Variants in SNX25 observed in about 807,000 individuals in gnomAD.
The protein encoded by SNX25 is sorting nexin 25.
Under a neutral mutation model 113.7 loss-of-function variants are expected in SNX25, and 62 were observed. That is an observed-to-expected ratio of 0.55 (90% CI 0.44 to 0.67). SNX25 has a LOEUF of 0.67. SNX25 is among the 30% of genes least tolerant of loss of function. SNX25 has a pLI of 0.00. For missense variants in SNX25, 1,014 were observed against 1,161.0 expected, an observed-to-expected ratio of 0.87 and a Z score of 1.84; for synonymous variants, 421 against 436.2, an observed-to-expected ratio of 0.97 and a Z score of 0.43.
chr4:185,320,681 C>T, intron 7 of SNX25, 52 bp from the exon 8 acceptor site: 1 of 1,351,614 alleles, frequency 7.4e-7, no homozygotes, highest in African/African-American at 1.5e-5. Flanking sequence ...TTAAAGCAAA[C>T]TGACATTTAA....
At chr4:185,211,726 TGA>T (rs901040313) in intron 1 of SNX25, among the ~76,000 whole-genome samples, 3 of 152,190 alleles carry the variant, frequency 2.0e-5, no homozygotes, top group African/African-American at 7.2e-5. Context: ...TAAATGCTTT[TGA>T]AACAGTGATT....
intron 1 of SNX25, among the ~76,000 whole-genome samples, chr4:185,242,908 C>T (rs138707039): frequency 1.3e-5 from 2 of 152,346 alleles, no homozygotes; most frequent in African/African-American, 2.4e-5. Context: ...TAACACTGCA[C>T]ATAGTAACCC....
chr4:185,362,190 A>C, intron 17 of SNX25, 85 bp downstream of exon 17: 2 of 1,445,604 alleles, frequency 1.4e-6, no homozygotes, highest in South Asian at 1.5e-5. Flanking sequence ...TATGTCTTGC[A>C]GGAAACATTC....
intron 6 of SNX25, among the ~76,000 whole-genome samples, chr4:185,308,245 TTA>T (rs1754744768): frequency 6.6e-6 from 1 of 152,266 alleles, no homozygotes; most frequent in Non-Finnish European, 1.5e-5. Flanking sequence ...AAATTAATTT[TTA>T]TGAGTTTTTT....
chr4:185,374,363 A>T (rs199651134), downstream of SNX25: 82 of 1,613,982 alleles, frequency 5.1e-5, no homozygotes, highest in Middle Eastern at 1.5e-3. Flanking sequence ...TTCCTTCATA[A>T]TAAGCTCTTC....
intron 3 of SNX25, among the ~76,000 whole-genome samples, chr4:185,261,899 A>G (rs576328692): frequency 4.6e-5 from 7 of 152,340 alleles, no homozygotes; most frequent in Non-Finnish European, 1.5e-5. Flanking sequence ...GGCATTTTTC[A>G]TATAGATGAT....
intron 1 of SNX25, among the ~76,000 whole-genome samples, chr4:185,212,580 A>G (rs181820438): frequency 6.0e-5 from 9 of 149,974 alleles, no homozygotes; most frequent in Admixed American, 2.7e-4. Flanking sequence ...AGGGTCCTCA[A>G]GTGATCCTCC....
At chr4:185,298,181 C>A (rs532604423) in intron 6 of SNX25, among the ~76,000 whole-genome samples, 3 of 150,058 alleles carry the variant, frequency 2.0e-5, no homozygotes, top group Non-Finnish European at 3.0e-5. Context: ...CTCTGACTCC[C>A]GGGTTCAAGC....
intron 1 of SNX25, among the ~76,000 whole-genome samples, chr4:185,218,733 G>A (rs1389130130): frequency 6.6e-6 from 1 of 152,132 alleles, no homozygotes; most frequent in African/African-American, 2.4e-5. Flanking sequence ...TAGGCTACTA[G>A]GATCTATTCA....
rs1379122126 is a variant in SNX25 at position 185,247,445 on chromosome 4, A to G, written c.514+67A>G. On this transcript the variant is annotated intron_variant, in intron 2 of 18. Transcript: ENST00000652585. ...TTCATTATGTTCTAAGAGGAAAATA[A>G]TAATCTCCAGCAAATTTATTCTTCT... is the stretch of plus-strand genomic sequence containing the variant. The G allele has an allele frequency of 3.8e-5, 45 of 1,183,092 alleles. No homozygotes were observed. The Middle Eastern group carries it at 1.1e-3, about 30-fold the overall frequency. The allele number at this position is 1,183,092 out of a possible 1,614,324, so 73.3% of individuals were successfully genotyped here.
intron 1 of SNX25, among the ~76,000 whole-genome samples, chr4:185,223,530 G>A (rs1441952418): frequency 1.3e-5 from 2 of 152,142 alleles, no homozygotes; most frequent in African/African-American, 4.8e-5. Flanking sequence ...GGCCGGGGGC[G>A]GCGGCTCACG....
In SNX25 at chr4:185,237,860, C is replaced by T. The variant is rs573947976; in HGVS notation, c.430-9434C>T. ...GGCGGATCACCTGAGGTCAGGAGTT[C>T]GAGACCAGCCTGGCCAACATGGAGA... On this transcript the variant is annotated intron_variant, in intron 1 of 18. Transcript: ENST00000652585. 7.3e-5 allele frequency among the ~76,000 whole-genome samples: 11 copies of T among 151,576 alleles called. No individual in the cohort carries two copies. In the East Asian group the frequency reaches 7.8e-4, roughly 11 times the overall value.
At chr4:185,354,722 G>C (rs2095331394) in intron 15 of SNX25, among the ~76,000 whole-genome samples, 1 of 152,202 alleles carries the variant, frequency 6.6e-6, no homozygotes, top group Admixed American at 6.5e-5. Context: ...GCTTAGTGTT[G>C]AGCGTTGAAT....
intron 1 of SNX25, among the ~76,000 whole-genome samples, chr4:185,234,067 C>A (rs1742257060): frequency 1.3e-5 from 2 of 151,962 alleles, no homozygotes; most frequent in African/African-American, 4.8e-5. Flanking sequence ...ACCGTGTTAG[C>A]CAGGATGGTC....
intron 6 of SNX25, among the ~76,000 whole-genome samples, chr4:185,302,680 G>C (rs542869269): frequency 3.0e-4 from 45 of 152,340 alleles, no homozygotes; most frequent in Admixed American, 2.5e-3. Context: ...CCAGCACCTT[G>C]CTTGTGGACT....
At position 185,292,681 on chromosome 4, in the gene SNX25, G is replaced by A. The variant is rs184374700; in HGVS notation, c.1162+4599G>A. Among the ~76,000 whole-genome samples, 830 of 152,316 alleles carry A rather than the reference G, an allele frequency of 5.4e-3. 5 individuals are homozygous for A. Among genetic ancestry groups the A allele is most frequent in the African/African-American group, 0.018 (761 of 41,570 alleles). On this transcript the variant is annotated intron_variant, in intron 6 of 18. Transcript: ENST00000652585. ...GCCTCCCAAAGTGCTGGGATTACAG[G>A]CATGAGCCACCGCACCCGGCCATGG... is the stretch of plus-strand genomic sequence containing the variant.
chr4:185,304,426 C>T (rs566580405), intron 6 of SNX25, among the ~76,000 whole-genome samples: 4 of 152,314 alleles, frequency 2.6e-5, no homozygotes, highest in Admixed American at 6.5e-5. Context: ...TGGCGCATCT[C>T]GGCTCACCTC....
intron 3 of SNX25, among the ~76,000 whole-genome samples, chr4:185,262,538 A>C (rs1747473857): frequency 6.6e-6 from 1 of 152,174 alleles, no homozygotes; most frequent in Non-Finnish European, 1.5e-5. Flanking sequence ...TAATTTAAAG[A>C]GTTGGGACTT....
At chr4:185,323,880 C>A in intron 9 of SNX25, 80 bp downstream of exon 9, 1 of 1,453,116 alleles carries the variant, frequency 6.9e-7, no homozygotes, top group Non-Finnish European at 9.4e-7. Flanking sequence ...TTGTGTGAGC[C>A]AAATTTGATG....
Sources: gnomAD v4.1 joint callset for allele counts (sites outside exome capture counted in the v4.1 genomes callset) on GRCh38, gnomAD v4.1.1 for gene constraint, MANE v1.5 for transcripts, NCBI Gene and HGNC (gene_info 2026-07-23, HGNC 2026-07-21) for gene names.